Variants in ARG2 observed in about 807,000 individuals in gnomAD.
The protein encoded by ARG2 is arginase 2.
ARG2 carries 21 observed loss-of-function variants against 39.4 expected under a neutral mutation model. The observed-to-expected ratio is 0.53, with a 90% CI of 0.38 to 0.77. ARG2 has a LOEUF of 0.77. ARG2 is among the 30% of genes least tolerant of loss of function. The probability of loss-of-function intolerance (pLI) is 0.00; values close to 1 mark genes in which losing one functional copy is unlikely to be tolerated. For synonymous variants in ARG2, 150 were observed against 156.7 expected (o/e 0.96, Z 0.32); for missense variants, 378 against 426.2 (o/e 0.89, Z 1.00).
At chr14:67,630,603 G>C (rs2036908933) in intron 2 of ARG2, among the ~76,000 whole-genome samples, 2 of 152,258 alleles carry the variant, frequency 1.3e-5, no homozygotes, top group South Asian at 4.2e-4. Flanking sequence ...TATTTTAGAT[G>C]GAGTCTCGCT....
At chr14:67,622,305 C>T (rs986491761) in intron 2 of ARG2, among the ~76,000 whole-genome samples, 5 of 152,190 alleles carry the variant, frequency 3.3e-5, no homozygotes, top group African/African-American at 7.2e-5. Flanking sequence ...CTGAACTCTT[C>T]TCTGCTGGTC....
At chr14:67,625,473 G>A (rs1430297053) in intron 2 of ARG2, among the ~76,000 whole-genome samples, 3 of 152,012 alleles carry the variant, frequency 2.0e-5, no homozygotes, top group African/African-American at 7.3e-5. Flanking sequence ...GAGGTCAGGA[G>A]TTCGAGACCA....
intron 3 of ARG2, among the ~76,000 whole-genome samples, chr14:67,643,425 G>A (rs758745069): frequency 6.6e-6 from 1 of 152,222 alleles, no homozygotes; most frequent in African/African-American, 2.4e-5. Flanking sequence ...AGTACTAGGA[G>A]TATTGAGCAC....
chr14:67,627,316 T>TTG (rs1400433635), intron 2 of ARG2, among the ~76,000 whole-genome samples: 4 of 150,056 alleles, frequency 2.7e-5, no homozygotes, highest in Non-Finnish European at 5.9e-5. Context: ...TTGATCTGTT[T>TTG]TGTGACTTGG....
intron 2 of ARG2, 22 bp downstream of exon 2, chr14:67,620,988 T>C (rs2036804147): frequency 1.2e-6 from 2 of 1,610,370 alleles, no homozygotes; most frequent in South Asian, 2.2e-5. Context: ...GATTTTTAGA[T>C]ATTAGTGCAG....
chr14:67,642,560 AC>A, intron 3 of ARG2, among the ~76,000 whole-genome samples, 197 bp downstream of exon 3: 1 of 152,268 alleles, frequency 6.6e-6, no homozygotes, highest in East Asian at 1.9e-4. Context: ...TCTTTGTATG[AC>A]ACATTGCACA....
At chr14:67,645,926 A>G in intron 4 of ARG2, 124 bp downstream of exon 4, 1 of 1,108,260 alleles carries the variant, frequency 9.0e-7, no homozygotes, top group Non-Finnish European at 1.3e-6. Context: ...TCATTTGTTC[A>G]TCACTATTAT....
chr14:67,641,943 T>C (rs943698107), intron 2 of ARG2, among the ~76,000 whole-genome samples: 4 of 152,232 alleles, frequency 2.6e-5, no homozygotes, highest in Non-Finnish European at 4.4e-5. Flanking sequence ...GGTCTAATGG[T>C]TAACCATTTT....
chr14:67,626,730 G>A (rs1285714213), intron 2 of ARG2, among the ~76,000 whole-genome samples: 1 of 152,104 alleles, frequency 6.6e-6, no homozygotes, highest in East Asian at 1.9e-4. Flanking sequence ...AAAGTGCTAG[G>A]ATTATAGGCA....
chr14:67,632,889 C>A (rs12590620), intron 2 of ARG2, among the ~76,000 whole-genome samples: 23,333 of 133,170 alleles, frequency 0.18, 2,022 homozygotes, highest in Middle Eastern at 0.32. Context: ...GGCGTGATCT[C>A]GGCTCACTGC....
intron 2 of ARG2, among the ~76,000 whole-genome samples, chr14:67,640,451 A>G (rs754065718): frequency 6.6e-6 from 1 of 152,176 alleles, no homozygotes; most frequent in Non-Finnish European, 1.5e-5. Flanking sequence ...GGTTGGCCTC[A>G]TGGCTTTTTG....
At chr14:67,626,277 C>T (rs1412978473) in intron 2 of ARG2, among the ~76,000 whole-genome samples, 1 of 151,798 alleles carries the variant, frequency 6.6e-6, no homozygotes, top group African/African-American at 2.4e-5. Flanking sequence ...AACCACAAAA[C>T]TACAATGAAA....
chr14:67,636,957 G>C (rs551421683), intron 2 of ARG2, among the ~76,000 whole-genome samples: 1 of 152,250 alleles, frequency 6.6e-6, no homozygotes, highest in Non-Finnish European at 1.5e-5. Context: ...CACAGTTAGA[G>C]AAAGGGAAAG....
intron 5 of ARG2, 65 bp downstream of exon 5, chr14:67,646,803 C>G (rs1188586169): frequency 6.8e-7 from 1 of 1,469,848 alleles, no homozygotes; most frequent in African/African-American, 1.4e-5. Flanking sequence ...ATTTGAAAGG[C>G]TGATGCTTAA....
At chr14:67,623,604 C>T (rs1471916410) in intron 2 of ARG2, among the ~76,000 whole-genome samples, 2 of 126,008 alleles carry the variant, frequency 1.6e-5, no homozygotes, top group Admixed American at 1.1e-4. Flanking sequence ...TACAGTGATG[C>T]GATCTTGGCT....
intron 2 of ARG2, among the ~76,000 whole-genome samples, chr14:67,631,414 A>C (rs932048140): frequency 1.3e-5 from 2 of 148,832 alleles, no homozygotes; most frequent in African/African-American, 2.5e-5. Context: ...AAATTCCTCT[A>C]GTAAATCCTT....
At chr14:67,639,018 A>G (rs987154686) in intron 2 of ARG2, among the ~76,000 whole-genome samples, 5 of 151,804 alleles carry the variant, frequency 3.3e-5, no homozygotes, top group African/African-American at 1.2e-4. Context: ...TTGGGAATTA[A>G]TCTGATGAAC....
intron 3 of ARG2, among the ~76,000 whole-genome samples, chr14:67,645,163 A>G (rs1594829231): frequency 6.7e-6 from 1 of 149,988 alleles, no homozygotes; most frequent in Non-Finnish European, 1.5e-5. Context: ...AGACTGTACC[A>G]TTTACCTAGA....
chr14:67,632,584 T>C (rs1037432708), intron 2 of ARG2, among the ~76,000 whole-genome samples: 1 of 152,096 alleles, frequency 6.6e-6, no homozygotes, highest in Non-Finnish European at 1.5e-5. Flanking sequence ...TACCCTTCTG[T>C]AGGAACTGAG....
Sources: allele counts gnomAD v4.1 joint callset (sites outside exome capture counted in the v4.1 genomes callset), GRCh38; gene constraint gnomAD v4.1.1; transcripts MANE v1.5; gene names NCBI Gene and HGNC (gene_info 2026-07-23, HGNC 2026-07-21).